Variants in PLPPR1 observed in about 807,000 individuals in gnomAD.
The protein encoded by PLPPR1 is phospholipid phosphatase related 1.
In PLPPR1, 10 loss-of-function variants were observed where a neutral mutation model predicts 33.1. That is an observed-to-expected ratio of 0.30 (90% confidence interval 0.19 to 0.51). The LOEUF is 0.51. Ranked by LOEUF, PLPPR1 falls within the 20% of genes least tolerant of loss-of-function variation. PLPPR1 has a pLI of 0.97. For missense variants in PLPPR1, 304 were observed against 408.1 expected, an observed-to-expected ratio of 0.74 and a Z score of 2.20; for synonymous variants, 151 against 151.0, an observed-to-expected ratio of 1.00 and a Z score of 0.00.
chr9:101,302,128 T>C (rs1828765164), intron 4 of PLPPR1, among the ~76,000 whole-genome samples: 1 of 152,248 alleles, frequency 6.6e-6, no homozygotes, highest in African/African-American at 2.4e-5. Context: ...AATTGACTTC[T>C]CTGGATCTCA....
chr9:101,119,127 TTCA>T (rs1352220254), intron 1 of PLPPR1, among the ~76,000 whole-genome samples: 1 of 152,222 alleles, frequency 6.6e-6, no homozygotes, highest in Admixed American at 6.5e-5. Flanking sequence ...CTATTTCTTT[TTCA>T]TCTCTTTTCT....
intron 2 of PLPPR1, among the ~76,000 whole-genome samples, chr9:101,223,903 C>T (rs1827006254): frequency 6.6e-6 from 1 of 152,050 alleles, no homozygotes; most frequent in Non-Finnish European, 1.5e-5. Context: ...CAAACCAGTA[C>T]TTCATTATTG....
intron 1 of PLPPR1, among the ~76,000 whole-genome samples, chr9:101,032,564 T>C (rs1205793269): frequency 1.3e-5 from 2 of 152,212 alleles, no homozygotes; most frequent in Non-Finnish European, 2.9e-5. Context: ...CACAGTGGCA[T>C]CACCAGCATT....
At chr9:101,167,186 T>TGTGTGTGTGTGTGTGTGTGTGTGTGTG (rs1825872610) in intron 1 of PLPPR1, among the ~76,000 whole-genome samples, 3 of 23,200 alleles carry the variant, frequency 1.3e-4, no homozygotes, top group Non-Finnish European at 3.8e-4. Context: ...GTGTGTGTCT[T>TGTGTGTGTGTGTGTGTGTGTGTGTGTG]TCTCTCTCTC....
At chr9:101,308,692 C>T (rs1287460805) in intron 4 of PLPPR1, among the ~76,000 whole-genome samples, 2 of 150,894 alleles carry the variant, frequency 1.3e-5, no homozygotes, top group African/African-American at 5.0e-5. Flanking sequence ...TTACTCTCAC[C>T]TGCCATGTTG....
intron 2 of PLPPR1, among the ~76,000 whole-genome samples, chr9:101,207,726 G>A (rs1372238821): frequency 2.0e-5 from 3 of 152,202 alleles, no homozygotes; most frequent in African/African-American, 4.8e-5. Context: ...TTATCTACCT[G>A]TGTGGTCCTT....
intron 2 of PLPPR1, among the ~76,000 whole-genome samples, chr9:101,251,275 C>G (rs1309561685): frequency 4.6e-5 from 7 of 152,024 alleles, no homozygotes; most frequent in African/African-American, 1.7e-4. Context: ...GTGAATGAAT[C>G]ATTTTTTATT....
At chr9:101,241,812 C>A (rs927052770) in intron 2 of PLPPR1, among the ~76,000 whole-genome samples, 1 of 152,058 alleles carries the variant, frequency 6.6e-6, no homozygotes, top group Non-Finnish European at 1.5e-5. Flanking sequence ...TTTGGCACAA[C>A]GGTTTATCGT....
At chr9:101,317,901 C>T (rs1173355296) in intron 7 of PLPPR1, among the ~76,000 whole-genome samples, 1 of 152,230 alleles carries the variant, frequency 6.6e-6, no homozygotes, top group African/African-American at 2.4e-5. Context: ...TAAAAGGCTA[C>T]TAAATGTCCC....
intron 1 of PLPPR1, among the ~76,000 whole-genome samples, chr9:101,118,202 T>C (rs1329088): frequency 0.48 from 72,462 of 151,984 alleles, 17,810 homozygotes; most frequent in Non-Finnish European, 0.54. Flanking sequence ...GCAATAATGT[T>C]TCAGGATCTC....
intron 3 of PLPPR1, among the ~76,000 whole-genome samples, chr9:101,270,655 CA>C (rs1336140696): frequency 6.6e-6 from 1 of 152,108 alleles, no homozygotes; most frequent in South Asian, 2.1e-4. Flanking sequence ...TTTCATGAGG[CA>C]AAAAATGGGC....
chr9:101,181,227 T>C (rs1205082052), intron 1 of PLPPR1, among the ~76,000 whole-genome samples: 1 of 148,570 alleles, frequency 6.7e-6, no homozygotes, highest in Admixed American at 6.8e-5. Flanking sequence ...TCATCACTGA[T>C]GATCAGGGAA....
intron 1 of PLPPR1, among the ~76,000 whole-genome samples, chr9:101,167,380 G>A (rs990345008): frequency 4.0e-5 from 6 of 150,730 alleles, no homozygotes; most frequent in African/African-American, 1.5e-4. Flanking sequence ...ATACATCCCT[G>A]CAGGCAAGAC....
intron 4 of PLPPR1, 99 bp from the exon 5 acceptor site, chr9:101,309,112 G>C (rs779216035): frequency 6.1e-5 from 75 of 1,225,688 alleles, no homozygotes; most frequent in Non-Finnish European, 8.4e-5. Flanking sequence ...GAATCATTTT[G>C]ATAGGTCATC....
rs1197954646 is a variant in PLPPR1 at position 101,309,215 on chromosome 9, G to T, written c.390G>T (p.Val130=). 6.2e-7 allele frequency: 1 copy of T among 1,614,050 alleles called. No individual in the cohort carries two copies. Among genetic ancestry groups the T allele is most frequent in the Non-Finnish European group, 8.5e-7 (1 of 1,180,012 alleles). Residue 130 remains valine (V), a synonymous_variant, in exon 5 of 8, where the codon GTG becomes GTT. Transcript: ENST00000374874. ...LLRRIIRFTG[V]FAFGLFATDI... is the part of the protein sequence containing the mutation. ...TGATTTTAAATCTTCTTATAGGGGT[G>T]TTTGCATTTGGACTTTTTGCTACTG...
intron 1 of PLPPR1, among the ~76,000 whole-genome samples, chr9:101,184,073 T>G (rs2118714623): frequency 6.6e-6 from 1 of 151,920 alleles, no homozygotes; most frequent in African/African-American, 2.4e-5. Context: ...AAAATGATGG[T>G]TATCCAATCA....
At chr9:101,157,242 T>C (rs1436264363) in intron 1 of PLPPR1, among the ~76,000 whole-genome samples, 2 of 152,162 alleles carry the variant, frequency 1.3e-5, no homozygotes. Flanking sequence ...ATTCAGGAGG[T>C]AAAATTCACT....
At chr9:101,220,548 C>T (rs1826910026) in intron 2 of PLPPR1, among the ~76,000 whole-genome samples, 1 of 152,180 alleles carries the variant, frequency 6.6e-6, no homozygotes, top group Non-Finnish European at 1.5e-5. Context: ...TATCCTCTCA[C>T]ACTCCTCCCA....
At chr9:101,248,168 C>G (rs1408514376) in intron 2 of PLPPR1, among the ~76,000 whole-genome samples, 1 of 152,016 alleles carries the variant, frequency 6.6e-6, no homozygotes, top group Non-Finnish European at 1.5e-5. Flanking sequence ...TGTGAAGACA[C>G]CATTGAAATG....
Sources: gnomAD v4.1 joint callset for allele counts (sites outside exome capture counted in the v4.1 genomes callset) on GRCh38, gnomAD v4.1.1 for gene constraint, MANE v1.5 for transcripts, NCBI Gene and HGNC (gene_info 2026-07-23, HGNC 2026-07-21) for gene names.